Variants in LARP4B observed in about 807,000 individuals in gnomAD.
LARP4B encodes La ribonucleoprotein 4B.
Under a neutral mutation model 89.8 loss-of-function variants are expected in LARP4B, and 12 were observed. That is an observed-to-expected ratio of 0.13 (90% confidence interval 0.09 to 0.22). The LOEUF (loss-of-function observed/expected upper bound fraction) is 0.22, where lower values mean the gene tolerates loss of function less well. Among genes scored for constraint, LARP4B ranks in the 10% least tolerant of loss-of-function variants. LARP4B has a pLI of 1.00. For missense variants in LARP4B, 757 were observed against 947.7 expected (o/e 0.80, Z 2.64); for synonymous variants, 367 against 363.3 (o/e 1.01, Z -0.12).
the LARP4B span, among the ~76,000 whole-genome samples, chr10:948,019 G>C: frequency 6.6e-6 from 1 of 151,968 alleles, no homozygotes; most frequent in South Asian, 2.1e-4. Flanking sequence ...TGAGACCTGA[G>C]GAGGGCAGCA....
At chr10:887,942 G>A (rs1192559551) in intron 1 of LARP4B, among the ~76,000 whole-genome samples, 4 of 151,176 alleles carry the variant, frequency 2.6e-5, no homozygotes, top group Non-Finnish European at 2.9e-5. Context: ...CTAGAATCGC[G>A]TGAACCAGGA....
intron 1 of LARP4B, among the ~76,000 whole-genome samples, chr10:912,288 AAGAG>A (rs1176879359): frequency 2.6e-5 from 4 of 152,088 alleles, no homozygotes; most frequent in African/African-American, 7.2e-5. Flanking sequence ...ATGCTTAAAA[AAGAG>A]AGAGAGAAAA....
chr10:949,188 G>A, the LARP4B span, among the ~76,000 whole-genome samples: 12 of 151,212 alleles, frequency 7.9e-5, no homozygotes, highest in South Asian at 2.1e-4. Flanking sequence ...CCAGCCCCAC[G>A]TGAGTGAGTG....
intron 5 of LARP4B, among the ~76,000 whole-genome samples, chr10:859,472 T>A (rs1163840608): frequency 6.6e-6 from 1 of 152,192 alleles, no homozygotes; most frequent in Non-Finnish European, 1.5e-5. Context: ...GTTCAGCAGC[T>A]TTCTACAGAA....
chr10:923,528 A>C (rs1321887201), intron 1 of LARP4B, among the ~76,000 whole-genome samples: 7 of 152,014 alleles, frequency 4.6e-5, no homozygotes, highest in Non-Finnish European at 1.5e-5. Context: ...AAATCTGTAC[A>C]TGCCTCCTAA....
At chr10:839,978 A>G (rs866524733) in intron 7 of LARP4B, among the ~76,000 whole-genome samples, 1 of 152,222 alleles carries the variant, frequency 6.6e-6, no homozygotes, top group Admixed American at 6.5e-5. Context: ...TCACCTACTA[A>G]TCCAGTAAAC....
chr10:812,863 G>A lies in LARP4B; in HGVS notation c.*63C>T, dbSNP rs879742470. The A allele has an allele frequency of 2.6e-5, 38 of 1,460,566 alleles. No homozygotes were observed. The Middle Eastern group carries it at 1.3e-3, about 49-fold the overall frequency. 90.5% of individuals were successfully genotyped at this position (1,460,566 alleles called of 1,614,324 possible). On this transcript the variant is annotated 3_prime_UTR_variant, in exon 18 of 18. Coordinates refer to ENST00000316157, the MANE Select transcript of LARP4B (RefSeq NM_015155.3). ...AACCAGCGGCTCGCCCTCGCACTGA[G>A]TGGGAGAGTGTCTCGTTTGTGGTTA...
chr10:977,138 TTTTATTTA>T, the LARP4B span, among the ~76,000 whole-genome samples: 33 of 152,046 alleles, frequency 2.2e-4, no homozygotes, highest in Non-Finnish European at 4.0e-4. Context: ...GCTGAATTTA[TTTTATTTA>T]TTTATTTATT....
At chr10:972,126 C>G in the LARP4B span, 1 of 222,600 alleles carries the variant, frequency 4.5e-6, no homozygotes, top group Non-Finnish European at 9.1e-6. Context: ...CTCCCAGGTT[C>G]AAGCGATTCT....
chr10:977,901 T>G, the LARP4B span, among the ~76,000 whole-genome samples: 1 of 152,128 alleles, frequency 6.6e-6, no homozygotes, highest in East Asian at 1.9e-4. Flanking sequence ...AAGGGTGGAC[T>G]GAGGTCACTG....
chr10:965,059 C>T, the LARP4B span, among the ~76,000 whole-genome samples: 36 of 152,344 alleles, frequency 2.4e-4, no homozygotes, highest in South Asian at 7.0e-3. Context: ...GGGAGCCATG[C>T]AGGGTCAGGC....
chr10:871,239 G>C (rs1347593909), intron 3 of LARP4B, among the ~76,000 whole-genome samples: 1 of 152,128 alleles, frequency 6.6e-6, no homozygotes, highest in East Asian at 1.9e-4. Flanking sequence ...TTGTCACCTG[G>C]GCTTGTTTCC....
the LARP4B span, among the ~76,000 whole-genome samples, chr10:975,122 A>T: frequency 6.6e-6 from 1 of 152,246 alleles, no homozygotes; most frequent in African/African-American, 2.4e-5. Flanking sequence ...TTACATAAAA[A>T]TTTGATGTTT....
intron 3 of LARP4B, chr10:869,936 A>AAT: frequency 5.4e-6 from 1 of 184,368 alleles, no homozygotes; most frequent in Non-Finnish European, 9.9e-6. Flanking sequence ...AATAATAATA[A>AAT]TAATAATAAT....
intron 3 of LARP4B, among the ~76,000 whole-genome samples, chr10:867,578 C>T (rs1232384956): frequency 7.2e-5 from 11 of 152,086 alleles, no homozygotes; most frequent in Non-Finnish European, 1.3e-4. Flanking sequence ...ACTCCAGCGT[C>T]GGCCGGGTGT....
At chr10:937,191 C>G in the LARP4B span, among the ~76,000 whole-genome samples, 1 of 152,096 alleles carries the variant, frequency 6.6e-6, no homozygotes. Context: ...TACAGGCATG[C>G]GCCACCATGC....
intron 1 of LARP4B, among the ~76,000 whole-genome samples, chr10:930,475 G>A (rs746194333): frequency 2.0e-5 from 3 of 152,180 alleles, no homozygotes; most frequent in Non-Finnish European, 4.4e-5. Context: ...TCTACAGCTA[G>A]GTTTCTCAAG....
chr10:835,706 G>A (rs1032485859), intron 8 of LARP4B, among the ~76,000 whole-genome samples: 1 of 152,126 alleles, frequency 6.6e-6, no homozygotes, highest in Non-Finnish European at 1.5e-5. Context: ...TGCCCAAGTC[G>A]GGTGGATTAT....
chr10:887,620 A>T (rs1835898093), intron 1 of LARP4B, among the ~76,000 whole-genome samples: 1 of 152,010 alleles, frequency 6.6e-6, no homozygotes, highest in Non-Finnish European at 1.5e-5. Context: ...CTGAGGCAGG[A>T]GAATCACTTC....
Sources: allele counts gnomAD v4.1 joint callset (sites outside exome capture counted in the v4.1 genomes callset), GRCh38; gene constraint gnomAD v4.1.1; transcripts MANE v1.5; gene names NCBI Gene and HGNC (gene_info 2026-07-23, HGNC 2026-07-21).